Variants in CCDC88C observed in about 807,000 individuals in gnomAD.
CCDC88C encodes protein Daple.
A neutral mutation model predicts 198.8 loss-of-function variants in CCDC88C; 131 were observed. The ratio of observed to expected loss-of-function variants is 0.66; its 90% CI spans 0.57 to 0.76. CCDC88C has a LOEUF of 0.76. Ranked by LOEUF, CCDC88C falls within the 30% of genes least tolerant of loss-of-function variation. The pLI is 0.00. For synonymous variants in CCDC88C, 1,166 were observed against 1,114.7 expected, an observed-to-expected ratio of 1.05 and a Z score of -0.92; for missense variants, 2,553 against 2,631.6, an observed-to-expected ratio of 0.97 and a Z score of 0.65.
chr14:91,300,810 C>T (rs1891241697), intron 20 of CCDC88C, among the ~76,000 whole-genome samples: 1 of 152,224 alleles, frequency 6.6e-6, no homozygotes, highest in South Asian at 2.1e-4. Context: ...CGGCCCCTCC[C>T]CTTCCCAGCC....
At chr14:91,318,917 C>CAAAAAAAAAAAAAAAAAAAAAA (rs61183857) in intron 13 of CCDC88C, among the ~76,000 whole-genome samples, 2 of 105,288 alleles carry the variant, frequency 1.9e-5, no homozygotes, top group Non-Finnish European at 1.9e-5. Context: ...AGACTCCGTC[C>CAAAAAAAAAAAAAAAAAAAAAA]AAAAAAAAAA....
chr14:91,293,316 CCA>C (rs1596031407), intron 23 of CCDC88C, among the ~76,000 whole-genome samples: 21 of 36,660 alleles, frequency 5.7e-4, no homozygotes, highest in South Asian at 8.7e-4. Flanking sequence ...GCCCACCTTC[CCA>C]TCCTCACCTG....
intron 16 of CCDC88C, 105 bp downstream of exon 16, chr14:91,309,754 C>T (rs988663162): frequency 3.7e-5 from 46 of 1,233,116 alleles, no homozygotes; most frequent in Admixed American, 5.0e-5. Flanking sequence ...TCACAGCCCT[C>T]GGCAGTAGAG....
intron 20 of CCDC88C, among the ~76,000 whole-genome samples, chr14:91,302,179 T>C (rs1891326582): frequency 6.6e-6 from 1 of 152,234 alleles, no homozygotes; most frequent in Admixed American, 6.5e-5. Flanking sequence ...CTTTTGTGAT[T>C]CAATGACATT....
Position 91,272,940 on chromosome 14 carries a change from G to A in CCDC88C, c.5772C>T (p.Ser1924=), listed in dbSNP as rs938637415. The A allele has an allele frequency of 2.6e-6, 4 of 1,564,640 alleles. No homozygotes were observed. The highest frequency in any genetic ancestry group is 1.7e-4 in the Middle Eastern group (1 of 5,984). The change falls in exon 30 of 30, where the codon TCC becomes TCT. Residue 1924 remains serine, a synonymous_variant. Coordinates refer to ENST00000389857, the MANE Select transcript of CCDC88C (RefSeq NM_001080414.4). ...GAAAAGSGSN[S]QLLHFSPAAA... is the part of the protein sequence containing the mutation. ...CAGCAGGTGAGAAGTGCAGGAGCTGGGAGTTGCTGCCACTGCCAGCAGCAG... is the reference window on the plus strand; with the variant it reads ...CAGCAGGTGAGAAGTGCAGGAGCTGAGAGTTGCTGCCACTGCCAGCAGCAG...
chr14:91,408,359 C>T, intron 3 of CCDC88C: 1 of 317,200 alleles, frequency 3.2e-6, no homozygotes. Context: ...CCAGCCAGTC[C>T]CCACTCAACT....
chr14:91,417,642 G>C lies in CCDC88C; in HGVS notation c.49C>G (p.Leu17Val), dbSNP rs751904008. The change falls in exon 1 of 30, where the codon CTG (leucine) becomes GTG (valine). Residue 17 changes from leucine (L) to valine (V), a missense_variant. Around this residue, in one of 2 missense-constraint regions of CCDC88C, gnomAD observed 1,260 missense variants for 1,412.0 expected, o/e 0.89. Transcript: ENST00000389857. Reference protein sequence around the residue: ...ELLELFLQSPLVTWVKTFGPF... With the variant: ...ELLELFLQSPVVTWVKTFGPF... ...CCAGGCGCACTCACCCAGGTCACCA[G>C]CGGGCTCTGCAGGAAGAGCTCCAGG... 6.3e-7 allele frequency: 1 copy of C among 1,591,492 alleles called. No individual in the cohort carries two copies. Among genetic ancestry groups the C allele is most frequent in the Non-Finnish European group, 8.5e-7 (1 of 1,171,360 alleles).
In CCDC88C at chr14:91,289,261, T is replaced by C. The variant is rs1596026149; in HGVS notation, c.4285A>G (p.Thr1429Ala). Residue 1429 changes from threonine (T) to alanine (A), a missense_variant, in exon 25 of 30, where the codon ACC becomes GCC. Around this residue, in one of 2 missense-constraint regions of CCDC88C, gnomAD observed 1,293 missense variants for 1,219.6 expected, o/e 1.06. Coordinates refer to ENST00000389857, the MANE Select transcript of CCDC88C (RefSeq NM_001080414.4). ...AGCTGCCAGGGAGGGCTGTCCACGG[T>C]GGATTTTAAGCGTTCCCTCGAACCC... ...KEGSRERLKS[T>A]VDSPPWQLES... 1 of 1,614,000 alleles carries C rather than the reference T, an allele frequency of 6.2e-7. No individual in the cohort carries two copies. Among genetic ancestry groups the C allele is most frequent in the Admixed American group, 1.7e-5 (1 of 60,024 alleles).
chr14:91,294,525 C>T (rs1252345295), intron 22 of CCDC88C, among the ~76,000 whole-genome samples: 1 of 152,240 alleles, frequency 6.6e-6, no homozygotes, highest in African/African-American at 2.4e-5. Flanking sequence ...ATCCAGATGT[C>T]CCTGGCAACA....
At position 91,293,506 on chromosome 14, in the gene CCDC88C, C is replaced by G. The variant is rs1317580696; in HGVS notation, c.4112+667G>C. Among the ~76,000 whole-genome samples the G allele has an allele frequency of 9.0e-5, 11 of 121,548 alleles. 2 individuals carry two copies. Among genetic ancestry groups the G allele is most frequent in the Admixed American group, 1.6e-4 (2 of 12,194 alleles). The allele number at this position is 121,548 out of a possible 152,430, so 79.7% of individuals were successfully genotyped here. ...CTCACCTTCCCATCCTCACCTGCCA[C>G]GGCCTACCTTCCTGTCCCCTCACCT... On this transcript the variant is annotated intron_variant, in intron 23 of 29. Transcript: ENST00000389857.
In CCDC88C at chr14:91,313,513, T is replaced by TTC; in HGVS notation, c.2301_2302dup (p.Asn768ArgfsTer120). The TTC allele has an allele frequency of 6.2e-7, 1 of 1,608,306 alleles. No individual in the cohort carries two copies. Among genetic ancestry groups the TTC allele is most frequent in the East Asian group, 2.2e-5 (1 of 44,868 alleles). ...CTCCAGGCTCTGCTGCAGCCGGAGG[T>TTC]TCTCAGCGCTCACGCTCTGGTAGCT... On this transcript the variant is annotated frameshift_variant, in exon 15 of 30. Coordinates refer to ENST00000389857, the MANE Select transcript of CCDC88C (RefSeq NM_001080414.4). LOFTEE classifies it high-confidence loss of function. The surrounding 1 kb of genome is among the most constrained non-coding windows in gnomAD (Gnocchi z 5.2).
chr14:91,345,484 C>T (rs987448822), intron 4 of CCDC88C, among the ~76,000 whole-genome samples: 10 of 152,188 alleles, frequency 6.6e-5, no homozygotes, highest in Non-Finnish European at 1.2e-4. Context: ...AGCAGCCGTG[C>T]CCGGCCTTAA....
At chr14:91,279,667 GC>G (rs937042674) in intron 27 of CCDC88C, 1 of 192,852 alleles carries the variant, frequency 5.2e-6, no homozygotes, top group African/African-American at 2.3e-5. Context: ...GTTGCGGGGG[GC>G]CCTCCTCTAT....
chr14:91,322,272 T>C (rs1892388186), intron 12 of CCDC88C, among the ~76,000 whole-genome samples: 1 of 152,144 alleles, frequency 6.6e-6, no homozygotes, highest in South Asian at 2.1e-4. Context: ...AATCTGGAAA[T>C]GTGTGTGGTT....
At chr14:91,413,764 G>A (rs1439299505) in intron 2 of CCDC88C, among the ~76,000 whole-genome samples, 1 of 152,174 alleles carries the variant, frequency 6.6e-6, no homozygotes, top group Non-Finnish European at 1.5e-5. Flanking sequence ...CAATGGCCAG[G>A]TGCAGTCACG....
At position 91,273,237 on chromosome 14, in the gene CCDC88C, G is replaced by C; in HGVS notation, c.5475C>G (p.Ser1825=). The C allele has an allele frequency of 6.4e-7, 1 of 1,560,210 alleles. No individual in the cohort carries two copies. The highest frequency in any genetic ancestry group is 1.4e-5 in the African/African-American group (1 of 73,720). ...ASGPEACKQE[S]PQKLGAPEAL... is the part of the protein sequence containing the mutation. ...CCTCAGGAGCCCCCAGCTTCTGAGG[G>C]GACTCCTGTTTGCAGGCCTCTGGCC... The change falls in exon 30 of 30, where the codon TCC becomes TCG. Residue 1825 remains serine, a synonymous_variant. Coordinates refer to ENST00000389857, the MANE Select transcript of CCDC88C (RefSeq NM_001080414.4). This position sits in a 1 kb window ranked among gnomAD's most constrained non-coding sequence, Gnocchi z 5.6.
At chr14:91,326,244 C>T (rs1892580626) in intron 10 of CCDC88C, among the ~76,000 whole-genome samples, 188 bp from the exon 11 acceptor site, 1 of 151,694 alleles carries the variant, frequency 6.6e-6, no homozygotes, top group South Asian at 2.1e-4. Flanking sequence ...GACGGAATGT[C>T]ACTCTGTCGC....
chr14:91,273,702 G>A lies in CCDC88C; in HGVS notation c.5059-49C>T, dbSNP rs746877587. ...GGAGGTGGGCATGAGGGTTGGGTGG[G>A]TCCTTGGAGCCGCCTCCTGCGCGGG... On this transcript the variant is annotated intron_variant, in intron 29 of 29. Coordinates refer to ENST00000389857, the MANE Select transcript of CCDC88C (RefSeq NM_001080414.4). This position sits in a 1 kb window ranked among gnomAD's most constrained non-coding sequence, Gnocchi z 5.6. 3 of 1,392,664 alleles carry A rather than the reference G, an allele frequency of 2.2e-6. No individual in the cohort carries two copies. Among genetic ancestry groups the A allele is most frequent in the Non-Finnish European group, 2.8e-6 (3 of 1,063,014 alleles). The allele number at this position is 1,392,664 out of a possible 1,614,324, so 86.3% of individuals were successfully genotyped here.
chr14:91,277,799 C>T, intron 29 of CCDC88C, 123 bp downstream of exon 29: 2 of 1,155,238 alleles, frequency 1.7e-6, no homozygotes, highest in Non-Finnish European at 2.3e-6. Context: ...CCTCTCATGT[C>T]CAAGCCAGTC....
Sources: allele counts gnomAD v4.1 joint callset (sites outside exome capture counted in the v4.1 genomes callset), GRCh38; gene constraint gnomAD v4.1.1; regional missense constraint gnomAD v4.1.1; non-coding constraint Gnocchi (gnomAD v3.1); transcripts MANE v1.5; gene names NCBI Gene and HGNC (gene_info 2026-07-23, HGNC 2026-07-21).